PPP1R14C: variants seen among roughly 807,000 people sequenced by gnomAD.
The protein encoded by PPP1R14C is protein phosphatase 1 regulatory subunit 14C.
In PPP1R14C, 16 loss-of-function variants were observed where a neutral mutation model predicts 20.4. That is an observed-to-expected ratio of 0.78 (90% CI 0.53 to 1.19). The LOEUF (loss-of-function observed/expected upper bound fraction) is 1.19, where lower values mean the gene tolerates loss of function less well. PPP1R14C is among the 50% of genes most tolerant of loss of function. PPP1R14C has a pLI of 0.00. For missense variants in PPP1R14C, 211 were observed against 220.1 expected (o/e 0.96, Z 0.26); for synonymous variants, 91 against 91.0 (o/e 1.00, Z 0.00).
intron 1 of PPP1R14C, among the ~76,000 whole-genome samples, chr6:150,179,724 G>A (rs9371343): frequency 0.027 from 4,078 of 152,122 alleles, 117 homozygotes; most frequent in East Asian, 0.09. Flanking sequence ...AAATACAGCT[G>A]TGACAAAACT....
At chr6:150,159,280 T>C (rs1458455503) in intron 1 of PPP1R14C, among the ~76,000 whole-genome samples, 1 of 152,218 alleles carries the variant, frequency 6.6e-6, no homozygotes, top group Non-Finnish European at 1.5e-5. Context: ...ACAAAAGCCT[T>C]TCTGTCTTTC....
intron 2 of PPP1R14C, 103 bp downstream of exon 2, chr6:150,214,930 T>G: frequency 1.3e-6 from 1 of 797,476 alleles, no homozygotes; most frequent in Non-Finnish European, 2.1e-6. Context: ...GTGGTGGTGT[T>G]GGCACCAGGA....
intron 1 of PPP1R14C, among the ~76,000 whole-genome samples, chr6:150,170,607 C>T (rs1199918367): frequency 6.6e-6 from 1 of 152,146 alleles, no homozygotes; most frequent in African/African-American, 2.4e-5. Flanking sequence ...CAGGCGTGAG[C>T]CACTGCGCCC....
intron 1 of PPP1R14C, among the ~76,000 whole-genome samples, chr6:150,169,963 A>T (rs1482762634): frequency 6.6e-6 from 1 of 152,196 alleles, no homozygotes; most frequent in Non-Finnish European, 1.5e-5. Context: ...AGGCTTTTCC[A>T]TGTGCTATTT....
At chr6:150,187,243 T>TTG (rs1777687271) in intron 1 of PPP1R14C, among the ~76,000 whole-genome samples, 1 of 120,404 alleles carries the variant, frequency 8.3e-6, no homozygotes, top group Non-Finnish European at 1.8e-5. Flanking sequence ...GCCTTTCTCT[T>TTG]TCTCTGTGTG....
intron 1 of PPP1R14C, among the ~76,000 whole-genome samples, chr6:150,188,368 G>T (rs1190064284): frequency 6.6e-6 from 1 of 151,850 alleles, no homozygotes; most frequent in Non-Finnish European, 1.5e-5. Flanking sequence ...GTTCAGAAGA[G>T]ATTGAAGGTG....
intron 1 of PPP1R14C, among the ~76,000 whole-genome samples, chr6:150,144,540 C>G (rs902999514): frequency 6.6e-6 from 1 of 152,222 alleles, no homozygotes; most frequent in Admixed American, 6.5e-5. Context: ...GGCTTCTAAG[C>G]TAAAGCTAGG....
intron 1 of PPP1R14C, among the ~76,000 whole-genome samples, chr6:150,190,720 C>T (rs1290414054): frequency 6.6e-6 from 1 of 152,178 alleles, no homozygotes; most frequent in Non-Finnish European, 1.5e-5. Flanking sequence ...CCACCACACC[C>T]AGCGTATTTT....
intron 1 of PPP1R14C, among the ~76,000 whole-genome samples, chr6:150,179,075 C>G (rs534448798): frequency 6.6e-6 from 1 of 152,088 alleles, no homozygotes. Flanking sequence ...AGGCCTGGAA[C>G]CAACCTGGGA....
At chr6:150,214,650 G>A (rs1010669905) in intron 1 of PPP1R14C, 94 bp from the exon 2 acceptor site, 2 of 833,628 alleles carry the variant, frequency 2.4e-6, no homozygotes, top group Non-Finnish European at 4.0e-6. Flanking sequence ...CTCAATTGAT[G>A]ATCTAGTTGT....
intron 3 of PPP1R14C, among the ~76,000 whole-genome samples, chr6:150,242,895 A>G (rs759619106): frequency 4.0e-4 from 61 of 152,338 alleles, no homozygotes; most frequent in Admixed American, 8.5e-4. Flanking sequence ...ATTTCTCTAT[A>G]CCAGCAACAA....
intron 3 of PPP1R14C, among the ~76,000 whole-genome samples, chr6:150,247,238 G>A (rs1212939454): frequency 2.0e-5 from 3 of 152,136 alleles, no homozygotes; most frequent in African/African-American, 7.2e-5. Context: ...AAAGTTCCTC[G>A]GTGTTTTTGC....
rs1166768878 is a variant in PPP1R14C at position 150,143,045 on chromosome 6, GA to G, written c.-147del. ...CGCCGCGGCTCCTCCCGCCCTCCCA[GA>G]GCAGCCGGGCGGCTGGGCGCGCGCG... On this transcript the variant is annotated 5_prime_UTR_variant, in exon 1 of 4. Transcript: ENST00000361131. The surrounding 1 kb of genome is among the most constrained non-coding windows in gnomAD (Gnocchi z 5.6). The G allele has an allele frequency of 9.4e-7, 1 of 1,066,898 alleles. No homozygotes were observed. The highest frequency in any genetic ancestry group is 1.7e-5 in the African/African-American group (1 of 58,922). 66.1% of individuals were successfully genotyped at this position (1,066,898 alleles called of 1,614,324 possible). A position where few individuals can be genotyped will look rare whatever the true frequency, so the allele number is the denominator to read the frequency against.
intron 3 of PPP1R14C, among the ~76,000 whole-genome samples, chr6:150,231,505 G>A (rs1483661453): frequency 6.6e-6 from 1 of 152,190 alleles, no homozygotes; most frequent in African/African-American, 2.4e-5. Flanking sequence ...GACATTTAAA[G>A]ATTTCAGTGT....
At chr6:150,180,665 C>G (rs1777611295) in intron 1 of PPP1R14C, among the ~76,000 whole-genome samples, 1 of 152,112 alleles carries the variant, frequency 6.6e-6, no homozygotes, top group African/African-American at 2.4e-5. Context: ...GTCTTGAGGT[C>G]CTTCCTGTGG....
At chr6:150,229,860 TA>T (rs918424330) in intron 3 of PPP1R14C, among the ~76,000 whole-genome samples, 1 of 152,048 alleles carries the variant, frequency 6.6e-6, no homozygotes, top group Non-Finnish European at 1.5e-5. Flanking sequence ...TCTCGAAAGA[TA>T]AAAACAACCC....
At chr6:150,234,296 T>C (rs186944748) in intron 3 of PPP1R14C, among the ~76,000 whole-genome samples, 168 of 151,982 alleles carry the variant, frequency 1.1e-3, no homozygotes, top group Non-Finnish European at 1.0e-3. Flanking sequence ...GAGTGTAAAA[T>C]GGTACAATCA....
intron 3 of PPP1R14C, among the ~76,000 whole-genome samples, chr6:150,247,049 TA>T (rs1284947984): frequency 6.6e-6 from 1 of 152,168 alleles, no homozygotes; most frequent in African/African-American, 2.4e-5. Context: ...ACTTTTATAA[TA>T]GGGAAAAGAT....
At chr6:150,196,025 C>A (rs1455508313) in intron 1 of PPP1R14C, 1 of 985,434 alleles carries the variant, frequency 1.0e-6, no homozygotes, top group East Asian at 1.1e-4. Flanking sequence ...GAGTGGGGGA[C>A]TGGGATTCTC....
Sources: gnomAD v4.1 joint callset for allele counts (sites outside exome capture counted in the v4.1 genomes callset) on GRCh38, gnomAD v4.1.1 for gene constraint, Gnocchi (gnomAD v3.1) non-coding constraint, MANE v1.5 for transcripts, NCBI Gene and HGNC (gene_info 2026-07-23, HGNC 2026-07-21) for gene names.